RAD50: variants seen among roughly 807,000 people sequenced by gnomAD.
RAD50 encodes RAD50 double strand break repair protein, also known as DNA repair protein RAD50.
RAD50 carries 132 observed loss-of-function variants against 168.8 expected under a neutral mutation model. That is an observed-to-expected ratio of 0.78 (90% CI 0.68 to 0.90). The LOEUF (loss-of-function observed/expected upper bound fraction) is 0.90, where lower values mean the gene tolerates loss of function less well. Among genes scored for constraint, RAD50 ranks in the 40% least tolerant of loss-of-function variants. The probability of loss-of-function intolerance (pLI) is 0.00; values close to 1 mark genes in which losing one functional copy is unlikely to be tolerated. For missense variants in RAD50, 1,347 were observed against 1,534.4 expected (o/e 0.88, Z 2.04); for synonymous variants, 525 against 497.4 (o/e 1.06, Z -0.74).
intron 13 of RAD50, 77 bp from the exon 14 acceptor site, chr5:132,603,223 C>A: frequency 7.5e-7 from 1 of 1,326,876 alleles, no homozygotes; most frequent in South Asian, 1.3e-5. Flanking sequence ...CTGTGGTATT[C>A]TTCCTAAAAA....
intron 21 of RAD50, among the ~76,000 whole-genome samples, chr5:132,619,833 TCTCTATATATATATATATAAAG>T (rs1751248392): frequency 7.6e-6 from 1 of 132,126 alleles, no homozygotes; most frequent in Non-Finnish European, 1.6e-5. Context: ...TCTCTCTCTC[TCTCTATATATATATATATAAAG>T]ATATATATAT....
chr5:132,582,355 A>G (rs1750518464), intron 5 of RAD50, among the ~76,000 whole-genome samples: 1 of 152,214 alleles, frequency 6.6e-6, no homozygotes, highest in Non-Finnish European at 1.5e-5. Flanking sequence ...AGTGCCTGGC[A>G]CATAGCAGGT....
At chr5:132,628,883 T>C (rs1581015018) in intron 21 of RAD50, among the ~76,000 whole-genome samples, 1 of 151,790 alleles carries the variant, frequency 6.6e-6, no homozygotes, top group Non-Finnish European at 1.5e-5. Context: ...AGACAGAGAA[T>C]ATAGATAATT....
chr5:132,578,759 C>T (rs996599388), intron 3 of RAD50, among the ~76,000 whole-genome samples: 1 of 151,816 alleles, frequency 6.6e-6, no homozygotes, highest in Non-Finnish European at 1.5e-5. Flanking sequence ...GAACTCCTGA[C>T]CTCAGGTGAT....
rs2149868780 is a variant in RAD50 at position 132,645,043 on chromosome 5, GT to G, written c.*2682del. 6.6e-6 allele frequency: 1 copy of G among 152,186 alleles called. No homozygotes were observed. Among genetic ancestry groups the G allele is most frequent in the South Asian group, 2.1e-4 (1 of 4,820 alleles). The allele number at this position is 152,186 out of a possible 1,614,324, so 9.4% of individuals were successfully genotyped here. On this transcript the variant is annotated 3_prime_UTR_variant, in exon 25 of 25. Coordinates refer to ENST00000378823, the MANE Select transcript of RAD50 (RefSeq NM_005732.4). ...CCTTGGCCTCCCTCAGCCCCTTTTT[GT>G]TTCCTCCAGTGAGAAGATACTCAGT... is the stretch of plus-strand genomic sequence containing the variant.
chr5:132,594,114 T>C, intron 11 of RAD50, among the ~76,000 whole-genome samples: 1 of 152,164 alleles, frequency 6.6e-6, no homozygotes, highest in East Asian at 1.9e-4. Flanking sequence ...TTACTGTGAC[T>C]CAGGATGGGT....
chr5:132,603,976 A>T lies in RAD50; in HGVS notation c.2454A>T (p.Gly818=), dbSNP rs786201702. The T allele has an allele frequency of 8.7e-6, 14 of 1,612,694 alleles. No individual in the cohort carries two copies. The highest frequency in any genetic ancestry group is 1.2e-5 in the Non-Finnish European group (14 of 1,178,852). The change falls in exon 15 of 25, where the codon GGA becomes GGT. Residue 818 remains glycine (G), a synonymous_variant. Transcript: ENST00000378823. ...CACAACAAGCAGCTAAGCTACAAGG[A>T]ATAGACTTAGATCGAACTGTCCAAC... ...KIAQQAAKLQ[G]IDLDRTVQQV... is the part of the protein sequence containing the mutation.
intron 9 of RAD50, among the ~76,000 whole-genome samples, chr5:132,590,955 C>T (rs990760408): frequency 1.3e-5 from 2 of 152,168 alleles, no homozygotes; most frequent in African/African-American, 4.8e-5. Flanking sequence ...ACACATGTCT[C>T]CTAATTTTAC....
At chr5:132,623,074 C>A (rs1751310697) in intron 21 of RAD50, among the ~76,000 whole-genome samples, 1 of 152,116 alleles carries the variant, frequency 6.6e-6, no homozygotes, top group African/African-American at 2.4e-5. Flanking sequence ...TTGAAGAGTC[C>A]CATTTTTTGT....
At chr5:132,560,440 A>C (rs1211375067) in intron 2 of RAD50, among the ~76,000 whole-genome samples, 1 of 152,168 alleles carries the variant, frequency 6.6e-6, no homozygotes, top group African/African-American at 2.4e-5. Context: ...TATTTAGTAC[A>C]TTTACTGAGT....
intron 2 of RAD50, among the ~76,000 whole-genome samples, chr5:132,570,354 A>G (rs374352968): frequency 6.6e-6 from 1 of 152,264 alleles, no homozygotes; most frequent in East Asian, 1.9e-4. Flanking sequence ...GAAAATTACT[A>G]TAGGCATACC....
At chr5:132,579,832 A>G in intron 4 of RAD50, 30 bp from the exon 5 acceptor site, 1 of 1,556,998 alleles carries the variant, frequency 6.4e-7, no homozygotes, top group African/African-American at 1.4e-5. Context: ...ACTTTGCCAG[A>G]AATTTGATTT....
At chr5:132,560,272 A>G (rs1378915887) in intron 2 of RAD50, among the ~76,000 whole-genome samples, 2 of 152,078 alleles carry the variant, frequency 1.3e-5, no homozygotes, top group Non-Finnish European at 2.9e-5. Flanking sequence ...CTTCTATTTT[A>G]TTGTTTTTAA....
intron 10 of RAD50, 21 bp downstream of exon 10, chr5:132,591,427 C>G (rs930912587): frequency 6.3e-7 from 1 of 1,599,444 alleles, no homozygotes; most frequent in Non-Finnish European, 8.6e-7. Flanking sequence ...TCTTTTTGTT[C>G]TAATTATACT....
rs1751031970 is a variant in RAD50 at position 132,608,798 on chromosome 5, CTTAT to C, written c.2829+76_2829+79del. 3 of 1,506,266 alleles carry C rather than the reference CTTAT, an allele frequency of 2.0e-6. No homozygotes were observed. In the South Asian group the frequency reaches 4.0e-5, roughly 20 times the overall value. The allele number at this position is 1,506,266 out of a possible 1,614,324, so 93.3% of individuals were successfully genotyped here. A position where few individuals can be genotyped will look rare whatever the true frequency, so the allele number is the denominator to read the frequency against. ...TATGTTCATAGCACCACGTCGGACA[CTTAT>C]TTCACATGAAATTAAATAGCATAAG... On this transcript the variant is annotated intron_variant, in intron 17 of 24. Transcript: ENST00000378823.
chr5:132,590,619 A>G (rs1466234652), intron 9 of RAD50, among the ~76,000 whole-genome samples: 3 of 152,190 alleles, frequency 2.0e-5, no homozygotes, highest in African/African-American at 7.2e-5. Context: ...AGGTATTTCC[A>G]TATTTTCTTT....
At chr5:132,573,675 A>G (rs1750345800) in intron 2 of RAD50, among the ~76,000 whole-genome samples, 1 of 152,228 alleles carries the variant, frequency 6.6e-6, no homozygotes, top group Non-Finnish European at 1.5e-5. Context: ...AAGATAAGGC[A>G]AGTCCCTTCT....
intron 10 of RAD50, 61 bp downstream of exon 10, chr5:132,591,467 C>T (rs765169108): frequency 6.7e-7 from 1 of 1,487,800 alleles, no homozygotes; most frequent in Non-Finnish European, 9.3e-7. Flanking sequence ...CTACCTTGCA[C>T]TCATAAGTCA....
rs377716343 is a variant in RAD50, at chr5:132,570,521, T to G, written c.214-5256T>G. ...CACTTGCTGCTTCACCTCGCACTTT[T>G]ATGTTGTGGAGACAGCTTCTTTCTT... On this transcript the variant is annotated intron_variant, in intron 2 of 24. Coordinates refer to ENST00000378823, the MANE Select transcript of RAD50 (RefSeq NM_005732.4). Among the ~76,000 whole-genome samples the G allele has an allele frequency of 3.3e-5, 5 of 152,356 alleles. No homozygotes were observed. In the East Asian group the frequency reaches 9.6e-4, roughly 29 times the overall value.
Sources: allele counts gnomAD v4.1 joint callset (sites outside exome capture counted in the v4.1 genomes callset), GRCh38; gene constraint gnomAD v4.1.1; transcripts MANE v1.5; gene names NCBI Gene and HGNC (gene_info 2026-07-23, HGNC 2026-07-21).